GRM8: variants seen among roughly 807,000 people sequenced by gnomAD.
The protein encoded by GRM8 is glutamate metabotropic receptor 8, also known as metabotropic glutamate receptor 8.
GRM8 carries 47 observed loss-of-function variants against 87.2 expected under a neutral mutation model. That is an observed-to-expected ratio of 0.54 (90% CI 0.43 to 0.69). The LOEUF is 0.69. Among genes scored for constraint, GRM8 ranks in the 30% least tolerant of loss-of-function variants. GRM8 has a pLI of 0.00. For missense variants in GRM8, 1,019 were observed against 1,139.2 expected (o/e 0.89, Z 1.52); for synonymous variants, 396 against 404.5 (o/e 0.98, Z 0.25).
intron 3 of GRM8, among the ~76,000 whole-genome samples, chr7:127,060,837 G>A (rs1246483675): frequency 4.0e-5 from 6 of 151,666 alleles, no homozygotes; most frequent in Non-Finnish European, 8.8e-5. Flanking sequence ...AACTCATTTT[G>A]TGTCTTTCAG....
chr7:126,849,962 C>T (rs1280746928), intron 6 of GRM8, among the ~76,000 whole-genome samples: 1 of 152,174 alleles, frequency 6.6e-6, no homozygotes, highest in Non-Finnish European at 1.5e-5. Context: ...TGCTGTTTCT[C>T]CCATCTTAAT....
chr7:126,875,510 C>T (rs1687920532), intron 6 of GRM8, among the ~76,000 whole-genome samples: 1 of 152,056 alleles, frequency 6.6e-6, no homozygotes, highest in Admixed American at 6.6e-5. Context: ...AAGAAGTCAC[C>T]ATAGGTATGA....
At chr7:126,785,299 CTCTTTAGAAGAGCCTTTATGCT>C (rs1820509394) in intron 6 of GRM8, among the ~76,000 whole-genome samples, 1 of 152,148 alleles carries the variant, frequency 6.6e-6, no homozygotes, top group Admixed American at 6.6e-5. Flanking sequence ...TTCGGTCAAG[CTCTTTAGAAGAGCCTTTATGCT>C]TCTACTTCCT....
Position 126,547,660 on chromosome 7 carries a change from T to A in GRM8, c.1495-13773A>T, listed in dbSNP as rs145637628. On this transcript the variant is annotated intron_variant, in intron 8 of 10. Coordinates refer to ENST00000339582, the MANE Select transcript of GRM8 (RefSeq NM_000845.3). The stretch of plus-strand genomic sequence containing the variant: ...AAGTTAATTAAAGATAATTTCAGCA[T>A]GCCCAATAATTATAAGAAGAATTCA... Among the ~76,000 whole-genome samples the A allele has an allele frequency of 4.2e-3, 632 of 152,004 alleles. 2 individuals carry two copies. Among genetic ancestry groups the A allele is most frequent in the African/African-American group, 0.015 (611 of 41,510 alleles).
intron 8 of GRM8, among the ~76,000 whole-genome samples, 192 bp from the exon 9 acceptor site, chr7:126,534,079 C>T (rs1442096234): frequency 6.6e-6 from 1 of 152,060 alleles, no homozygotes; most frequent in Non-Finnish European, 1.5e-5. Flanking sequence ...ATATATCATT[C>T]ACCTCATCAA....
chr7:126,802,531 G>A (rs1040974462), intron 6 of GRM8, among the ~76,000 whole-genome samples: 9 of 151,944 alleles, frequency 5.9e-5, no homozygotes, highest in African/African-American at 2.2e-4. Context: ...ATGATATTCA[G>A]CCTTAAAAAA....
At chr7:126,786,466 G>A (rs1271460911) in intron 6 of GRM8, among the ~76,000 whole-genome samples, 1 of 152,040 alleles carries the variant, frequency 6.6e-6, no homozygotes, top group Non-Finnish European at 1.5e-5. Context: ...ACAAGGGCAG[G>A]GATCATGTTT....
chr7:126,999,203 C>T (rs1309620012), intron 3 of GRM8, among the ~76,000 whole-genome samples: 1 of 151,880 alleles, frequency 6.6e-6, no homozygotes, highest in Non-Finnish European at 1.5e-5. Context: ...AAGAATGAAA[C>T]TAGACCCCTA....
chr7:127,109,021 T>C (rs1192110931), intron 2 of GRM8, among the ~76,000 whole-genome samples: 4 of 152,194 alleles, frequency 2.6e-5, no homozygotes, highest in African/African-American at 4.8e-5. Flanking sequence ...CATTGGTTCA[T>C]TAAGCATTTT....
intron 2 of GRM8, among the ~76,000 whole-genome samples, chr7:127,231,288 TA>T (rs1797672703): frequency 6.6e-6 from 1 of 152,156 alleles, no homozygotes; most frequent in African/African-American, 2.4e-5. Flanking sequence ...TTAGAAGCTA[TA>T]CCAGGCACTG....
At chr7:126,697,777 A>G (rs1259215863) in intron 7 of GRM8, among the ~76,000 whole-genome samples, 3 of 152,148 alleles carry the variant, frequency 2.0e-5, no homozygotes. Context: ...AGAACAAAGA[A>G]GCATTAAAAA....
At chr7:126,961,617 G>C (rs1809333003) in intron 3 of GRM8, among the ~76,000 whole-genome samples, 1 of 152,158 alleles carries the variant, frequency 6.6e-6, no homozygotes, top group Non-Finnish European at 1.5e-5. Context: ...CCACAGAGCA[G>C]GTGCTCTCAG....
chr7:127,167,109 G>A lies in GRM8; in HGVS notation c.511-60397C>T, dbSNP rs551342911. 7.2e-5 allele frequency among the ~76,000 whole-genome samples: 11 copies of A among 152,276 alleles called. No homozygotes were observed. The South Asian group carries it at 2.3e-3, about 32-fold the overall frequency. ...TAGAGTCTGGCTTCCCAGTGTGGCT[G>A]AAGGTGGAAAGTGGGGGCAATCTGC... is the stretch of plus-strand genomic sequence containing the variant. On this transcript the variant is annotated intron_variant, in intron 2 of 10. Transcript: ENST00000339582.
At chr7:126,553,260 C>A (rs969007498) in intron 8 of GRM8, among the ~76,000 whole-genome samples, 1 of 152,058 alleles carries the variant, frequency 6.6e-6, no homozygotes, top group Non-Finnish European at 1.5e-5. Flanking sequence ...TTTAAAAAAT[C>A]CCAAATGTAC....
At chr7:126,466,394 G>C (rs1358187673) in intron 9 of GRM8, among the ~76,000 whole-genome samples, 3 of 151,824 alleles carry the variant, frequency 2.0e-5, no homozygotes, top group African/African-American at 7.2e-5. Context: ...AAAAAAGAAA[G>C]ATTATTTTTC....
chr7:126,943,547 T>C (rs983624293), intron 3 of GRM8, among the ~76,000 whole-genome samples: 5 of 152,232 alleles, frequency 3.3e-5, no homozygotes, highest in African/African-American at 1.2e-4. Context: ...TGGTATATGC[T>C]TGGGGCCTTG....
intron 6 of GRM8, among the ~76,000 whole-genome samples, chr7:126,852,149 C>G (rs1460945305): frequency 6.6e-6 from 1 of 152,072 alleles, no homozygotes. Flanking sequence ...CGTGTATGCT[C>G]AAGCCAATGG....
intron 2 of GRM8, among the ~76,000 whole-genome samples, chr7:127,223,914 T>TA (rs71177597): frequency 0.015 from 1,971 of 133,744 alleles, 26 homozygotes; most frequent in African/African-American, 0.039. Context: ...AAATGAAATG[T>TA]AAAAAAAAAA....
chr7:126,912,693 G>A (rs141195463), intron 3 of GRM8, among the ~76,000 whole-genome samples: 1,583 of 152,254 alleles, frequency 0.01, 14 homozygotes, highest in South Asian at 0.023. Context: ...CCCAGAAATA[G>A]GAATAACAGG....
Sources: gnomAD v4.1 joint callset for allele counts (sites outside exome capture counted in the v4.1 genomes callset) on GRCh38, gnomAD v4.1.1 for gene constraint, MANE v1.5 for transcripts, NCBI Gene and HGNC (gene_info 2026-07-23, HGNC 2026-07-21) for gene names.